MALRD1: variants seen among roughly 807,000 people sequenced by gnomAD.
The protein encoded by MALRD1 is MAM and LDL receptor class A domain containing 1, also known as MAM and LDL-receptor class A domain-containing protein 1.
MALRD1 carries 247 observed loss-of-function variants against 242.1 expected under a neutral mutation model. That is an observed-to-expected ratio of 1.02 (90% confidence interval 0.92 to 1.13). The LOEUF is 1.13. Ranked by LOEUF, MALRD1 falls within the 50% of genes most tolerant of loss-of-function variation. The probability of loss-of-function intolerance (pLI) is 0.00; values close to 1 mark genes in which losing one functional copy is unlikely to be tolerated. For synonymous variants in MALRD1, 995 were observed against 866.6 expected (o/e 1.15, Z -2.60); for missense variants, 2,989 against 2,533.1 (o/e 1.18, Z -3.86).
intron 34 of MALRD1, among the ~76,000 whole-genome samples, chr10:19,599,902 A>G (rs1054866385): frequency 5.3e-5 from 8 of 152,112 alleles, no homozygotes; most frequent in Non-Finnish European, 1.0e-4. Context: ...ACCAAATCCA[A>G]TCGTACACCA....
chr10:19,289,608 CTCAG>C (rs1214241593), intron 21 of MALRD1, among the ~76,000 whole-genome samples: 1 of 152,138 alleles, frequency 6.6e-6, no homozygotes, highest in African/African-American at 2.4e-5. Context: ...AGGCTCATTC[CTCAG>C]CCAAGGAAGG....
intron 19 of MALRD1, among the ~76,000 whole-genome samples, chr10:19,278,761 G>T (rs2131873646): frequency 6.6e-6 from 1 of 151,346 alleles, no homozygotes; most frequent in South Asian, 2.1e-4. Context: ...GAGGAGAGAA[G>T]GAAAGACACA....
chr10:19,479,258 G>A (rs1213109100), intron 29 of MALRD1, among the ~76,000 whole-genome samples: 2 of 152,188 alleles, frequency 1.3e-5, no homozygotes, highest in Non-Finnish European at 2.9e-5. Context: ...ATGCACCATT[G>A]TATAGCATTT....
At chr10:19,056,408 G>A (rs938716499) in intron 1 of MALRD1, among the ~76,000 whole-genome samples, 1 of 151,382 alleles carries the variant, frequency 6.6e-6, no homozygotes, top group Non-Finnish European at 1.5e-5. Flanking sequence ...ATTTCACCTT[G>A]TTAATTAAAT....
At chr10:19,353,018 T>A (rs1403381946) in intron 26 of MALRD1, among the ~76,000 whole-genome samples, 1 of 152,078 alleles carries the variant, frequency 6.6e-6, no homozygotes, top group African/African-American at 2.4e-5. Flanking sequence ...TCTTTTTTTC[T>A]TTTTTTGAGA....
chr10:19,328,073 G>A (rs569422671), intron 23 of MALRD1, among the ~76,000 whole-genome samples: 75 of 152,166 alleles, frequency 4.9e-4, no homozygotes, highest in African/African-American at 1.7e-3. Context: ...TTATTATAGG[G>A]AATAGATTCA....
chr10:19,344,272 A>G lies in MALRD1; in HGVS notation c.3902-3499A>G, dbSNP rs1844008891. Among the ~76,000 whole-genome samples the G allele has an allele frequency of 2.0e-5, 3 of 152,102 alleles. No individual in the cohort carries two copies. In the South Asian group the frequency reaches 6.2e-4, roughly 31 times the overall value. ...GATTTTCTCCTTTGTGTTCTTTAAA[A>G]AGTTGTATGATATTACATTTTACAT... On this transcript the variant is annotated intron_variant, in intron 24 of 39. Transcript: ENST00000454679.
rs1391496192 is a variant in MALRD1 at position 19,656,917 on chromosome 10, A to C, written c.6138-35365A>C. On this transcript the variant is annotated intron_variant, in intron 36 of 39. Transcript: ENST00000454679. Reference sequence around the variant, plus strand: ...CTTGCAGTTTTGTTGTGAGCTATCTATCGATCTGGTTTGTTTTTATTTTTA... The same window carrying C: ...CTTGCAGTTTTGTTGTGAGCTATCTCTCGATCTGGTTTGTTTTTATTTTTA... Among the ~76,000 whole-genome samples the C allele has an allele frequency of 2.0e-5, 3 of 152,226 alleles. No homozygotes were observed. The East Asian group carries it at 5.8e-4, about 29-fold the overall frequency.
intron 25 of MALRD1, among the ~76,000 whole-genome samples, chr10:19,350,217 C>A (rs1444588040): frequency 2.7e-5 from 4 of 150,562 alleles, no homozygotes; most frequent in African/African-American, 9.8e-5. Context: ...AGGAAGGATC[C>A]ATGTAGAGGG....
In MALRD1 at chr10:19,389,466, C is replaced by T. The variant is rs935651586; in HGVS notation, c.4702C>T (p.Leu1568=). 6.5e-7 allele frequency: 1 copy of T among 1,550,218 alleles called. No homozygotes were observed. Among genetic ancestry groups the T allele is most frequent in the Non-Finnish European group, 8.7e-7 (1 of 1,146,864 alleles). Residue 1568 remains leucine (L), a synonymous_variant, in exon 28 of 40, where the codon CTG becomes TTG. Transcript: ENST00000454679. The stretch of plus-strand genomic sequence containing the variant: ...CTTGTTCCTAGGGCACTTCATGTAT[C>T]TGGAAGCTACTGCAGTGGGCCTTCG... The part of the protein sequence containing the change: ...LGNENGHFMY[L]EATAVGLRGD...
intron 28 of MALRD1, among the ~76,000 whole-genome samples, chr10:19,409,486 A>G (rs971163843): frequency 6.6e-6 from 1 of 152,130 alleles, no homozygotes; most frequent in African/African-American, 2.4e-5. Context: ...AATAGATAAC[A>G]TATTAGGGAT....
chr10:19,052,796 G>C (rs1352551002), intron 1 of MALRD1, among the ~76,000 whole-genome samples: 1 of 152,132 alleles, frequency 6.6e-6, no homozygotes, highest in Non-Finnish European at 1.5e-5. Flanking sequence ...TGAAGCATAG[G>C]TTGTAACCCC....
chr10:19,121,023 C>G (rs369985979), intron 5 of MALRD1, among the ~76,000 whole-genome samples: 2 of 147,106 alleles, frequency 1.4e-5, no homozygotes, highest in African/African-American at 2.5e-5. Context: ...GGATTACAGG[C>G]GTGAGCCACT....
chr10:19,231,616 A>G lies in MALRD1; in HGVS notation c.2991+21936A>G, dbSNP rs112713256. Among the ~76,000 whole-genome samples the G allele has an allele frequency of 0.016, 2,386 of 152,260 alleles. 99 individuals carry two copies. The East Asian group carries it at 0.18, about 11-fold the overall frequency. On this transcript the variant is annotated intron_variant, in intron 18 of 39. Transcript: ENST00000454679. ...GGTTTTAAAATGGGAGTTTCCCTAC[A>G]CAAGCTTTCTTCTCTGCTACCATTT...
At chr10:19,465,011 G>A (rs1248679146) in intron 29 of MALRD1, among the ~76,000 whole-genome samples, 2 of 148,008 alleles carry the variant, frequency 1.4e-5, no homozygotes, top group African/African-American at 2.5e-5. Context: ...TTGATTCTCA[G>A]CTTTGTCACT....
intron 35 of MALRD1, among the ~76,000 whole-genome samples, chr10:19,610,041 A>G (rs897497413): frequency 1.3e-5 from 2 of 151,994 alleles, no homozygotes; most frequent in African/African-American, 4.8e-5. Flanking sequence ...CTTCTCAGGC[A>G]AGTACTATGG....
At chr10:19,478,855 A>G (rs890357542) in intron 29 of MALRD1, among the ~76,000 whole-genome samples, 1 of 152,202 alleles carries the variant, frequency 6.6e-6, no homozygotes, top group African/African-American at 2.4e-5. Context: ...CACACAGGCT[A>G]TTTATCCTCT....
intron 36 of MALRD1, among the ~76,000 whole-genome samples, chr10:19,687,827 C>T (rs2131811194): frequency 1.3e-5 from 2 of 152,180 alleles, no homozygotes; most frequent in African/African-American, 4.8e-5. Context: ...CTTCCCTACC[C>T]AGATTCCATG....
intron 39 of MALRD1, among the ~76,000 whole-genome samples, chr10:19,731,202 G>T (rs1835281524): frequency 6.6e-6 from 1 of 152,178 alleles, no homozygotes; most frequent in African/African-American, 2.4e-5. Context: ...AGGGTGACTA[G>T]TGAGGGCCAT....
Sources: gnomAD v4.1 joint callset for allele counts (sites outside exome capture counted in the v4.1 genomes callset) on GRCh38, gnomAD v4.1.1 for gene constraint, MANE v1.5 for transcripts, NCBI Gene and HGNC (gene_info 2026-07-23, HGNC 2026-07-21) for gene names.